The following KIF18B variants were observed in gnomAD, a reference collection of about 807,000 sequenced individuals.
KIF18B encodes kinesin-like protein KIF18B.
KIF18B carries 49 observed loss-of-function variants against 80.9 expected under a neutral mutation model. The observed-to-expected ratio is 0.61, with a 90% CI of 0.48 to 0.77. The LOEUF is 0.77. KIF18B is among the 30% of genes least tolerant of loss of function. The probability of loss-of-function intolerance (pLI) is 0.00; values close to 1 mark genes in which losing one functional copy is unlikely to be tolerated. For missense variants in KIF18B, 994 were observed against 1,127.7 expected (o/e 0.88, Z 1.70); for synonymous variants, 439 against 463.9 (o/e 0.95, Z 0.69).
chr17:44,946,927 C>T (rs1186749941), intron 1 of KIF18B, among the ~76,000 whole-genome samples: 1 of 151,622 alleles, frequency 6.6e-6, no homozygotes, highest in African/African-American at 2.4e-5. Context: ...GAGACCAGCC[C>T]GGCCAACCCT....
chr17:44,926,925 G>T, intron 14 of KIF18B, 64 bp downstream of exon 14: 1 of 1,408,868 alleles, frequency 7.1e-7, no homozygotes, highest in Non-Finnish European at 9.8e-7. Context: ...GTCGGCCCAG[G>T]TGTCTACTGC....
chr17:44,938,520 C>T (rs2052352451), intron 1 of KIF18B, among the ~76,000 whole-genome samples: 1 of 152,148 alleles, frequency 6.6e-6, no homozygotes, highest in Non-Finnish European at 1.5e-5. Context: ...CATTTCTTCT[C>T]CAAGGTAATA....
At chr17:44,940,498 T>C (rs1053333958) in intron 1 of KIF18B, among the ~76,000 whole-genome samples, 3 of 152,144 alleles carry the variant, frequency 2.0e-5, no homozygotes, top group Non-Finnish European at 2.9e-5. Flanking sequence ...CCCAGACCTC[T>C]CTCCCTGGTT....
intron 1 of KIF18B, among the ~76,000 whole-genome samples, chr17:44,943,326 T>C (rs2052453790): frequency 6.6e-6 from 1 of 152,062 alleles, no homozygotes; most frequent in African/African-American, 2.4e-5. Context: ...GGTCTCGATC[T>C]CCTGACTTTG....
At position 44,927,573 on chromosome 17, in the gene KIF18B, G is replaced by A. The variant is rs1236108928; in HGVS notation, c.2276+453C>T. Among the ~76,000 whole-genome samples the A allele has an allele frequency of 6.6e-6, 1 of 152,248 alleles. No homozygotes were observed. Among genetic ancestry groups the A allele is most frequent in the Non-Finnish European group, 1.5e-5 (1 of 68,042 alleles). On this transcript the variant is annotated intron_variant, in intron 13 of 15. Coordinates refer to ENST00000593135, the MANE Select transcript of KIF18B (RefSeq NM_001265577.2). This position sits in a 1 kb window ranked among gnomAD's most constrained non-coding sequence, Gnocchi z 4.1. ...AAAATACTGAACTGAGTTTTCTAAG[G>A]ACCCCCTTTCCTGTTCCAGATGCTG... is the stretch of plus-strand genomic sequence containing the variant.
In KIF18B at chr17:44,927,041, G is replaced by T. The variant is rs776709163; in HGVS notation, c.2314C>A (p.Pro772Thr). ...VPLFTMKGPK[P>T]TSSLPGTSAC... is the part of the protein sequence containing the mutation. ...GAGGTCCCAGGGAGGGAAGATGTTGGCTTGGGGCCCTTCATGGTGAACAGG... is the reference window on the plus strand; with the variant it reads ...GAGGTCCCAGGGAGGGAAGATGTTGTCTTGGGGCCCTTCATGGTGAACAGG... The change falls in exon 14 of 16, where the codon CCA becomes ACA. Residue 772 changes from proline to threonine, a missense_variant. Coordinates refer to ENST00000593135, the MANE Select transcript of KIF18B (RefSeq NM_001265577.2). The surrounding 1 kb of genome is among the most constrained non-coding windows in gnomAD (Gnocchi z 4.1). 6.2e-7 allele frequency: 1 copy of T among 1,612,850 alleles called. No homozygotes were observed. The highest frequency in any genetic ancestry group is 8.5e-7 in the Non-Finnish European group (1 of 1,179,462).
chr17:44,935,627 C>T lies in KIF18B; in HGVS notation c.314-211G>A, dbSNP rs115517418. On this transcript the variant is annotated intron_variant, in intron 2 of 15. Coordinates refer to ENST00000593135, the MANE Select transcript of KIF18B (RefSeq NM_001265577.2). Reference sequence around the variant, plus strand: ...GCCAGTGGATTTGGGATGACCTGATCTCCACTATGGGTGCGGGCTATGCCT... The same window carrying T: ...GCCAGTGGATTTGGGATGACCTGATTTCCACTATGGGTGCGGGCTATGCCT... Among the ~76,000 whole-genome samples the T allele has an allele frequency of 5.0e-3, 762 of 152,316 alleles. 9 individuals are homozygous for T. The highest frequency in any genetic ancestry group is 0.017 in the African/African-American group (716 of 41,560).
At position 44,928,295 on chromosome 17, in the gene KIF18B, T is replaced by C; in HGVS notation, c.2007A>G (p.Ser669=). ...CTCCTTTGGGGGTGCTGGGCCCCTG[T>C]GAAGGTTGGGTGTCAGGCAGAGACC... is the stretch of plus-strand genomic sequence containing the variant. ...RRGSLPDTQP[S]QGPSTPKGER... is the part of the protein sequence containing the mutation. Residue 669 remains serine, a synonymous_variant, in exon 13 of 16, where the codon TCA becomes TCG. Coordinates refer to ENST00000593135, the MANE Select transcript of KIF18B (RefSeq NM_001265577.2). 6.2e-7 allele frequency: 1 copy of C among 1,613,226 alleles called. No homozygotes were observed. Among genetic ancestry groups the C allele is most frequent in the East Asian group, 2.2e-5 (1 of 44,856 alleles).
Position 44,933,980 on chromosome 17 carries a change from G to A in KIF18B, c.1005C>T (p.Tyr335=), listed in dbSNP as rs375751581. The A allele has an allele frequency of 7.5e-6, 12 of 1,602,524 alleles. No individual in the cohort carries two copies. Among genetic ancestry groups the A allele is most frequent in the South Asian group, 4.5e-5 (4 of 88,934 alleles). Residue 335 remains tyrosine (Y), a synonymous_variant, in exon 7 of 16, where the codon TAC becomes TAT. Coordinates refer to ENST00000593135, the MANE Select transcript of KIF18B (RefSeq NM_001265577.2). ...IAAISPSSLT[Y]EDTYNTLKYA... ...ATTTGAGGGTGTTGTACGTGTCCTC[G>A]TAGGTCAGGCTGGAGGGGCTGATGG... is the stretch of plus-strand genomic sequence containing the variant.
intron 1 of KIF18B, among the ~76,000 whole-genome samples, chr17:44,936,639 T>A (rs1373246719): frequency 1.1e-4 from 8 of 75,440 alleles, no homozygotes; most frequent in African/African-American, 1.9e-4. Flanking sequence ...TTTTTTTTTT[T>A]TTTTTTTTTT....
chr17:44,946,633 A>G (rs922709571), intron 1 of KIF18B, among the ~76,000 whole-genome samples: 1 of 152,164 alleles, frequency 6.6e-6, no homozygotes, highest in Admixed American at 6.5e-5. Flanking sequence ...GACATATGGC[A>G]TTTTCCCATG....
At chr17:44,935,893 AT>A (rs2052277605) in intron 2 of KIF18B, 138 bp downstream of exon 2, 5 of 734,062 alleles carry the variant, frequency 6.8e-6, no homozygotes, top group Non-Finnish European at 6.8e-6. Context: ...ACAGAGCATG[AT>A]GGGACATTGT....
intron 10 of KIF18B, 33 bp from the exon 11 acceptor site, chr17:44,931,762 G>A (rs759822389): frequency 6.2e-7 from 1 of 1,607,624 alleles, no homozygotes; most frequent in African/African-American, 1.3e-5. Context: ...AGGTAGAGGG[G>A]CCAGGATGGC....
Position 44,925,856 on chromosome 17 carries a change from G to A in KIF18B, c.*224C>T. On this transcript the variant is annotated 3_prime_UTR_variant, in exon 16 of 16. Transcript: ENST00000593135. ...CACATTAACACTCACAAATGAATAT[G>A]TACATGCCAAGAAGCTGAGTGTAAC... is the stretch of plus-strand genomic sequence containing the variant. The A allele has an allele frequency of 1.7e-6, 1 of 595,442 alleles. No individual in the cohort carries two copies. 36.9% of individuals were successfully genotyped at this position (595,442 alleles called of 1,614,324 possible).
intron 1 of KIF18B, among the ~76,000 whole-genome samples, chr17:44,947,113 CAAAAAAAA>C (rs57955845): frequency 8.3e-4 from 45 of 54,006 alleles, no homozygotes; most frequent in Admixed American, 4.4e-3. Context: ...ACTCCATCTC[CAAAAAAAA>C]AAAAAAAAAA....
At position 44,928,808 on chromosome 17, in the gene KIF18B, A is replaced by G; in HGVS notation, c.1723+11T>C. ...TTGAAGACAGGCAGGGGAGAGCAGG[A>G]TGAGACTCACTTGACTCTGAACACA... On this transcript the variant is annotated intron_variant, in intron 12 of 15. Transcript: ENST00000593135. The G allele has an allele frequency of 6.2e-7, 1 of 1,612,592 alleles. No individual in the cohort carries two copies. The highest frequency in any genetic ancestry group is 8.5e-7 in the Non-Finnish European group (1 of 1,179,256).
At chr17:44,937,304 T>C (rs1272803738) in intron 1 of KIF18B, among the ~76,000 whole-genome samples, 2 of 152,222 alleles carry the variant, frequency 1.3e-5, no homozygotes, top group African/African-American at 2.4e-5. Context: ...TTTATTATAC[T>C]GAGCCTTTTA....
Position 44,928,014 on chromosome 17 carries a change from T to G in KIF18B, c.2276+12A>C, listed in dbSNP as rs369728072. 1,481 of 1,513,114 alleles carry G rather than the reference T, an allele frequency of 9.8e-4. 4 individuals are homozygous for G. The highest frequency in any genetic ancestry group is 9.5e-4 in the Non-Finnish European group (1,071 of 1,131,424). The allele number at this position is 1,513,114 out of a possible 1,614,324, so 93.7% of individuals were successfully genotyped here. ...ACTGACAGGAGGGGTGGAGCGAGACTGGGAGACCCACCTGGGGATGAAGGG... is the reference window on the plus strand; with the variant it reads ...ACTGACAGGAGGGGTGGAGCGAGACGGGGAGACCCACCTGGGGATGAAGGG... On this transcript the variant is annotated intron_variant, in intron 13 of 15. Transcript: ENST00000593135.
chr17:44,932,216 T>TG lies in KIF18B; in HGVS notation c.1239-11dup. ...TGGGGTGCAGGGCTGGCTGGGAGGG[T>TG]GGGGTGGCAAGGGGGAGCTGGGAAG... On this transcript the variant is annotated splice_polypyrimidine_tract_variant and intron_variant, in intron 9 of 15. Coordinates refer to ENST00000593135, the MANE Select transcript of KIF18B (RefSeq NM_001265577.2). 1 of 1,558,380 alleles carries TG rather than the reference T, an allele frequency of 6.4e-7. No individual in the cohort carries two copies. The highest frequency in any genetic ancestry group is 2.3e-5 in the East Asian group (1 of 43,792).
Sources: allele counts gnomAD v4.1 joint callset (sites outside exome capture counted in the v4.1 genomes callset), GRCh38; gene constraint gnomAD v4.1.1; non-coding constraint Gnocchi (gnomAD v3.1); transcripts MANE v1.5; gene names NCBI Gene and HGNC (gene_info 2026-07-23, HGNC 2026-07-21).